INO80: variants seen among roughly 807,000 people sequenced by gnomAD.
The protein encoded by INO80 is INO80 complex ATPase subunit, also known as chromatin-remodeling ATPase INO80.
Under a neutral mutation model 203.4 loss-of-function variants are expected in INO80, and 20 were observed. The observed-to-expected ratio is 0.10, with a 90% confidence interval of 0.07 to 0.14. INO80 has a LOEUF of 0.14. Among genes scored for constraint, INO80 ranks in the 10% least tolerant of loss-of-function variants. INO80 has a pLI of 1.00. For synonymous variants in INO80, 726 were observed against 685.2 expected, an observed-to-expected ratio of 1.06 and a Z score of -0.93; for missense variants, 1,419 against 1,914.4, an observed-to-expected ratio of 0.74 and a Z score of 4.83.
intron 24 of INO80, among the ~76,000 whole-genome samples, chr15:41,038,674 T>C (rs2044619447): frequency 6.6e-6 from 1 of 152,212 alleles, no homozygotes. Flanking sequence ...TTGATCCCTT[T>C]TCTATAATCT....
intron 28 of INO80, chr15:41,005,310 C>T (rs1419315988): frequency 7.8e-6 from 2 of 256,212 alleles, no homozygotes; most frequent in East Asian, 1.6e-4. Context: ...TTGGTTCATA[C>T]TTAGAAATGA....
At chr15:41,086,004 C>T (rs1373201027) in intron 6 of INO80, among the ~76,000 whole-genome samples, 1 of 152,016 alleles carries the variant, frequency 6.6e-6, no homozygotes, top group Non-Finnish European at 1.5e-5. Context: ...GGACTACAGG[C>T]GCGTGGCAAG....
Position 41,114,941 on chromosome 15 carries a change from G to A in INO80, c.-44+1032C>T, listed in dbSNP as rs2046008379. ...CTCTTTTAGGGTGATGAATTAAATA[G>A]TGGTTGATGGCTACAGAATTTAATA... On this transcript the variant is annotated intron_variant, in intron 1 of 35. Transcript: ENST00000648947. Among the ~76,000 whole-genome samples the A allele has an allele frequency of 2.0e-5, 3 of 152,156 alleles. No homozygotes were observed. In the South Asian group the frequency reaches 6.2e-4, roughly 31 times the overall value.
chr15:41,074,105 C>T (rs138862845), intron 10 of INO80, among the ~76,000 whole-genome samples: 33 of 152,208 alleles, frequency 2.2e-4, no homozygotes, highest in African/African-American at 7.7e-4. Context: ...ATTACAATAC[C>T]TGTTATTTCT....
chr15:41,048,020 C>T (rs2140526338), intron 22 of INO80, among the ~76,000 whole-genome samples, 192 bp downstream of exon 22: 1 of 152,208 alleles, frequency 6.6e-6, no homozygotes, highest in East Asian at 1.9e-4. Context: ...CTACTTTTTC[C>T]TCTCATAGCT....
intron 29 of INO80, among the ~76,000 whole-genome samples, chr15:40,996,308 AT>A (rs2043880105): frequency 6.6e-6 from 1 of 152,112 alleles, no homozygotes; most frequent in Non-Finnish European, 1.5e-5. Flanking sequence ...CTTAGCAATA[AT>A]TTTGAGATTC....
chr15:41,045,182 T>G (rs1374581159), intron 23 of INO80, 107 bp from the exon 24 acceptor site: 1 of 806,508 alleles, frequency 1.2e-6, no homozygotes, highest in Non-Finnish European at 1.8e-6. Context: ...TTTGTAAATC[T>G]TTATCATTTT....
intron 27 of INO80, among the ~76,000 whole-genome samples, chr15:41,015,368 A>T (rs901395337): frequency 1.3e-5 from 2 of 152,200 alleles, no homozygotes; most frequent in Non-Finnish European, 2.9e-5. Context: ...GGTGATTGCG[A>T]TATGTAGTCA....
intron 1 of INO80, among the ~76,000 whole-genome samples, chr15:41,107,715 G>A (rs1314388808): frequency 1.3e-5 from 2 of 152,092 alleles, no homozygotes; most frequent in Admixed American, 6.6e-5. Flanking sequence ...CAGGAGAATT[G>A]CTTGAGCCTG....
chr15:41,103,131 G>T (rs1031067399), intron 1 of INO80, among the ~76,000 whole-genome samples: 2 of 152,064 alleles, frequency 1.3e-5, no homozygotes, highest in African/African-American at 4.8e-5. Context: ...CAATTATTCA[G>T]ACTCAAAATC....
At chr15:41,035,821 CAAA>C (rs71104768) in intron 24 of INO80, among the ~76,000 whole-genome samples, 1 of 20,154 alleles carries the variant, frequency 5.0e-5, no homozygotes, top group African/African-American at 2.5e-4. Context: ...GACTCTGTCT[CAAA>C]AAAAAAAAAA....
intron 14 of INO80, among the ~76,000 whole-genome samples, chr15:41,061,899 G>T (rs562909319): frequency 6.6e-6 from 1 of 152,184 alleles, no homozygotes; most frequent in South Asian, 2.1e-4. Context: ...AGAAACAACA[G>T]AATGCAAGAT....
rs199541361 is a variant in INO80 at position 41,099,270 on chromosome 15, A to C, written c.-43-2917T>G. On this transcript the variant is annotated intron_variant, in intron 1 of 35. Coordinates refer to ENST00000648947, the MANE Select transcript of INO80 (RefSeq NM_017553.3). ...AAAAAAAAAAAAAAAAAAAAAAACAAACACACACACACACACACAACAAGA... is the reference window on the plus strand; with the variant it reads ...AAAAAAAAAAAAAAAAAAAAAAACACACACACACACACACACACAACAAGA... 5.5e-3 allele frequency among the ~76,000 whole-genome samples: 681 copies of C among 124,342 alleles called. 12 individuals carry two copies. The highest frequency in any genetic ancestry group is 0.019 in the African/African-American group (610 of 32,792). The allele number at this position is 124,342 out of a possible 152,430, so 81.6% of individuals were successfully genotyped here. A position where few individuals can be genotyped will look rare whatever the true frequency, so the allele number is the denominator to read the frequency against.
chr15:41,102,190 C>CA (rs1187357009), intron 1 of INO80, among the ~76,000 whole-genome samples: 2 of 151,488 alleles, frequency 1.3e-5, no homozygotes, highest in Non-Finnish European at 2.9e-5. Context: ...GACTCCATCT[C>CA]AAAAAAAGAA....
chr15:40,996,262 C>G (rs1037675464), intron 29 of INO80, among the ~76,000 whole-genome samples: 1 of 152,166 alleles, frequency 6.6e-6, no homozygotes, highest in Non-Finnish European at 1.5e-5. Context: ...TTTTAAATCT[C>G]AAAGTTACTA....
chr15:41,104,129 C>T (rs1049284449), intron 1 of INO80, among the ~76,000 whole-genome samples: 6 of 143,144 alleles, frequency 4.2e-5, no homozygotes, highest in African/African-American at 1.6e-4. Context: ...GCTGAGGCAG[C>T]AGCATCACTT....
chr15:41,067,598 T>G (rs529173505), intron 14 of INO80, among the ~76,000 whole-genome samples: 1 of 152,154 alleles, frequency 6.6e-6, no homozygotes, highest in Non-Finnish European at 1.5e-5. Context: ...AGTTTCTACA[T>G]CTACAATTTA....
At chr15:41,107,236 C>A (rs2045893026) in intron 1 of INO80, among the ~76,000 whole-genome samples, 1 of 152,152 alleles carries the variant, frequency 6.6e-6, no homozygotes, top group Admixed American at 6.6e-5. Context: ...CAGATCACAC[C>A]CAGAACTTCA....
chr15:40,986,616 G>A (rs1360000723), intron 31 of INO80, among the ~76,000 whole-genome samples: 2 of 151,392 alleles, frequency 1.3e-5, no homozygotes, highest in Non-Finnish European at 2.9e-5. Flanking sequence ...GAGCCGTCTT[G>A]TGTTTTTTGT....
Sources: allele counts gnomAD v4.1 joint callset (sites outside exome capture counted in the v4.1 genomes callset), GRCh38; gene constraint gnomAD v4.1.1; transcripts MANE v1.5; gene names NCBI Gene and HGNC (gene_info 2026-07-23, HGNC 2026-07-21).